Variants in MBNL1 observed in about 807,000 individuals in gnomAD.
MBNL1 encodes muscleblind like splicing regulator 1, also known as muscleblind-like protein 1.
In MBNL1, 8 loss-of-function variants were observed where a neutral mutation model predicts 42.2. That is an observed-to-expected ratio of 0.19 (90% CI 0.11 to 0.34). The LOEUF (loss-of-function observed/expected upper bound fraction) is 0.34. Among genes scored for constraint, MBNL1 ranks in the 10% least tolerant of loss-of-function variants. The pLI is 1.00. For synonymous variants in MBNL1, 169 were observed against 173.9 expected (o/e 0.97, Z 0.22); for missense variants, 309 against 495.3 (o/e 0.62, Z 3.57).
chr3:152,381,540 GTC>G (rs991256258), intron 2 of MBNL1, among the ~76,000 whole-genome samples: 6 of 151,818 alleles, frequency 4.0e-5, no homozygotes, highest in Admixed American at 2.0e-4. Context: ...AGATAAATGT[GTC>G]TGTGTCGTTT....
intron 2 of MBNL1, among the ~76,000 whole-genome samples, chr3:152,307,148 C>G (rs1465915977): frequency 6.6e-6 from 1 of 152,074 alleles, no homozygotes; most frequent in Non-Finnish European, 1.5e-5. Flanking sequence ...TATCACCATG[C>G]CCAGCTAATT....
chr3:152,439,470 G>A (rs2099119328), intron 4 of MBNL1, among the ~76,000 whole-genome samples: 3 of 152,116 alleles, frequency 2.0e-5, no homozygotes, highest in Admixed American at 2.0e-4. Flanking sequence ...GAGGATGTTT[G>A]GCTACTGCTT....
intron 2 of MBNL1, among the ~76,000 whole-genome samples, chr3:152,254,164 C>T (rs1045409628): frequency 6.6e-6 from 1 of 152,140 alleles, no homozygotes; most frequent in African/African-American, 2.4e-5. Flanking sequence ...CTCTAAACTG[C>T]CATGCAAATG....
intron 2 of MBNL1, among the ~76,000 whole-genome samples, chr3:152,341,745 A>T (rs746447125): frequency 6.6e-6 from 1 of 152,214 alleles, no homozygotes; most frequent in Non-Finnish European, 1.5e-5. Flanking sequence ...CATTAGGCAT[A>T]TCCATGTAGA....
intron 2 of MBNL1, chr3:152,335,099 TTGG>T (rs1218654677): frequency 2.0e-5 from 26 of 1,283,580 alleles, no homozygotes; most frequent in Non-Finnish European, 2.5e-5. Context: ...TCCATTACTC[TTGG>T]TGCTGCAGCA....
chr3:152,287,654 T>C (rs2053356295), intron 1 of MBNL1, among the ~76,000 whole-genome samples: 1 of 152,216 alleles, frequency 6.6e-6, no homozygotes, highest in Admixed American at 6.5e-5. Context: ...ATAATCTTTC[T>C]GGAGCATCAG....
chr3:152,444,396 C>CT (rs2099190246), intron 4 of MBNL1, among the ~76,000 whole-genome samples: 1 of 152,026 alleles, frequency 6.6e-6, no homozygotes, highest in African/African-American at 2.4e-5. Flanking sequence ...CAAAACCAAT[C>CT]TTTTTTTACT....
At chr3:152,293,133 A>G (rs946265964) in intron 1 of MBNL1, among the ~76,000 whole-genome samples, 5 of 152,196 alleles carry the variant, frequency 3.3e-5, no homozygotes, top group African/African-American at 4.8e-5. Flanking sequence ...CACAGACCGG[A>G]CACACTAGTT....
intron 2 of MBNL1, among the ~76,000 whole-genome samples, chr3:152,328,379 A>G (rs966967427): frequency 6.6e-6 from 1 of 152,094 alleles, no homozygotes; most frequent in Non-Finnish European, 1.5e-5. Flanking sequence ...ATGTGATACT[A>G]TGGTGTGAAT....
intron 2 of MBNL1, among the ~76,000 whole-genome samples, chr3:152,366,831 G>A (rs891408274): frequency 1.3e-5 from 2 of 152,082 alleles, no homozygotes; most frequent in Non-Finnish European, 2.9e-5. Context: ...GGTGAATAAA[G>A]ACAAATTTTC....
rs773311035 is a variant in MBNL1 at position 152,439,587 on chromosome 3, G to A, written c.550-5695G>A. Among the ~76,000 whole-genome samples, 104 of 152,160 alleles carry A rather than the reference G, an allele frequency of 6.8e-4. 1 individual carries two copies. Among genetic ancestry groups the A allele is most frequent in the Non-Finnish European group, 1.2e-3 (83 of 67,998 alleles). On this transcript the variant is annotated intron_variant, in intron 4 of 9. Coordinates refer to ENST00000324210, the MANE Select transcript of MBNL1 (RefSeq NM_021038.5). ...TTATATCTGTAATAAACTTTAGAAT[G>A]GCTCTTAAAAATGTAGTCACATCTT...
At position 152,456,293 on chromosome 3, in the gene MBNL1, G is replaced by A. The variant is rs755151807; in HGVS notation, c.1024G>A (p.Ala342Thr). The A allele has an allele frequency of 6.2e-7, 1 of 1,613,860 alleles. No homozygotes were observed. Among genetic ancestry groups the A allele is most frequent in the Non-Finnish European group, 8.5e-7 (1 of 1,179,794 alleles). Reference protein sequence around the residue: ...VVPMVHGATPATVSAATTSAT... With the variant: ...VVPMVHGATPTTVSAATTSAT... The stretch of plus-strand genomic sequence containing the variant: ...TCCCATGGTGCACGGTGCTACGCCA[G>A]CCACTGTGTCCGCAGCAACAACATC... Residue 342 changes from alanine to threonine, a missense_variant, in exon 8 of 10, where the codon GCC becomes ACC. Ala to Thr is a moderately conservative substitution (Grantham distance 58, BLOSUM62 0). Coordinates refer to ENST00000324210, the MANE Select transcript of MBNL1 (RefSeq NM_021038.5).
At position 152,312,307 on chromosome 3, in the gene MBNL1, G is replaced by A. The variant is rs943994450; in HGVS notation, c.174+11940G>A. ...ATGGAACAGTTCATTTGGATGAATG[G>A]TAGCTTGAACAGAAACTTTCGATAC... On this transcript the variant is annotated intron_variant, in intron 2 of 9. Coordinates refer to ENST00000324210, the MANE Select transcript of MBNL1 (RefSeq NM_021038.5). Among the ~76,000 whole-genome samples, 7 of 152,234 alleles carry A rather than the reference G, an allele frequency of 4.6e-5. No individual in the cohort carries two copies. The South Asian group carries it at 1.2e-3, about 27-fold the overall frequency.
At chr3:152,399,398 A>G (rs1231638931) in intron 2 of MBNL1, among the ~76,000 whole-genome samples, 2 of 152,060 alleles carry the variant, frequency 1.3e-5, no homozygotes, top group African/African-American at 4.8e-5. Context: ...TTTTGCATCT[A>G]TGTCTACACA....
intron 2 of MBNL1, among the ~76,000 whole-genome samples, chr3:152,397,858 C>G (rs2098044441): frequency 6.6e-6 from 1 of 152,154 alleles, no homozygotes; most frequent in Admixed American, 6.5e-5. Context: ...ATGTGGAATA[C>G]TGGTTTTAGA....
chr3:152,455,649 T>C, intron 7 of MBNL1, 72 bp downstream of exon 7: 2 of 1,318,450 alleles, frequency 1.5e-6, no homozygotes, highest in Non-Finnish European at 2.2e-6. Flanking sequence ...AATCCACTGC[T>C]AAGTTTAACT....
intron 2 of MBNL1, among the ~76,000 whole-genome samples, chr3:152,308,125 C>T (rs184421954): frequency 2.0e-5 from 3 of 152,096 alleles, no homozygotes; most frequent in Admixed American, 6.5e-5. Context: ...ATTAAGTCAT[C>T]GGGTCAACCC....
chr3:152,297,542 G>A (rs539852073), intron 1 of MBNL1, among the ~76,000 whole-genome samples: 119 of 152,106 alleles, frequency 7.8e-4, no homozygotes, highest in African/African-American at 2.7e-3. Flanking sequence ...TATTTTTAGA[G>A]ACAGGGTTTT....
chr3:152,406,204 T>C (rs551673339), intron 2 of MBNL1, among the ~76,000 whole-genome samples: 116 of 152,246 alleles, frequency 7.6e-4, no homozygotes, highest in African/African-American at 2.6e-3. Flanking sequence ...CTGCATAGCA[T>C]TAACCTCAGC....
Sources: gnomAD v4.1 joint callset for allele counts (sites outside exome capture counted in the v4.1 genomes callset) on GRCh38, gnomAD v4.1.1 for gene constraint, MANE v1.5 for transcripts, NCBI Gene and HGNC (gene_info 2026-07-23, HGNC 2026-07-21) for gene names.